GPRC5C: variants seen among roughly 807,000 people sequenced by gnomAD.
GPRC5C encodes the protein G protein-coupled receptor family C group 5 member C.
In GPRC5C, 22 loss-of-function variants were observed where a neutral mutation model predicts 31.4. The ratio of observed to expected loss-of-function variants is 0.70; its 90% CI spans 0.50 to 1.00. The LOEUF (loss-of-function observed/expected upper bound fraction) is 1.00. Ranked by LOEUF, GPRC5C falls within the 50% of genes least tolerant of loss-of-function variation. The pLI is 0.00. For synonymous variants in GPRC5C, 249 were observed against 257.5 expected, an observed-to-expected ratio of 0.97 and a Z score of 0.32; for missense variants, 557 against 597.2, an observed-to-expected ratio of 0.93 and a Z score of 0.70.
intron 1 of GPRC5C, among the ~76,000 whole-genome samples, chr17:74,437,682 G>A: frequency 7.2e-6 from 1 of 139,014 alleles, no homozygotes; most frequent in East Asian, 2.1e-4. Flanking sequence ...TCTATCAACT[G>A]TGGGATTTAG....
Position 74,440,680 on chromosome 17 carries a change from C to G in GPRC5C, c.904C>G (p.Gln302Glu). ...VLFYVIPEVS[Q>E]VTKSSPEQSY... ...CTTCTACGTCATCCCCGAGGTCTCCCAGGTGACCAAGTCCAGCCCAGAGCA... is the reference window on the plus strand; with the variant it reads ...CTTCTACGTCATCCCCGAGGTCTCCGAGGTGACCAAGTCCAGCCCAGAGCA... Residue 302 changes from glutamine (Q) to glutamate (E), a missense_variant, in exon 2 of 4, where the codon CAG becomes GAG. Physicochemically the swap from Gln to Glu is conservative, Grantham distance 29 (BLOSUM62 2). Coordinates refer to ENST00000392627, the MANE Select transcript of GPRC5C (RefSeq NM_022036.4). This position sits in a 1 kb window ranked among gnomAD's most constrained non-coding sequence, Gnocchi z 4.4. 6.2e-7 allele frequency: 1 copy of G among 1,608,242 alleles called. No homozygotes were observed. Among genetic ancestry groups the G allele is most frequent in the South Asian group, 1.1e-5 (1 of 90,882 alleles).
Position 74,443,916 on chromosome 17 carries a change from A to G in GPRC5C, c.1146+4A>G. 1 of 1,597,202 alleles carries G rather than the reference A, an allele frequency of 6.3e-7. No homozygotes were observed. The highest frequency in any genetic ancestry group is 8.6e-7 in the Non-Finnish European group (1 of 1,165,036). ...GGCCCTGATGCACAAAGTTCCGGTA[A>G]GTGGGTTCCCCAGGTCCCCGTGACA... On this transcript the variant is annotated splice_donor_region_variant and intron_variant, in intron 3 of 3. Transcript: ENST00000392627.
chr17:74,432,225 T>G lies in GPRC5C; in HGVS notation c.-33+84T>G, dbSNP rs1253022227. On this transcript the variant is annotated intron_variant, in intron 1 of 3. Coordinates refer to ENST00000392627, the MANE Select transcript of GPRC5C (RefSeq NM_022036.4). ...ACCTGGAGCGCGGCGGGCGCCCGAT[T>G]AGCGCCCTGAATGGAGGTGATGTAA... 3 of 1,549,338 alleles carry G rather than the reference T, an allele frequency of 1.9e-6. No homozygotes were observed. In the Admixed American group the frequency reaches 5.9e-5, roughly 31 times the overall value.
At position 74,440,545 on chromosome 17, in the gene GPRC5C, G is replaced by T. The variant is rs2055516852; in HGVS notation, c.769G>T (p.Val257Leu). ...LTTATSVAIW[V>L]VWIVMYTYGN... ...CACAGCCACCTCCGTTGCCATATGG[G>T]TGGTGTGGATCGTCATGTATACTTA... The change falls in exon 2 of 4, where the codon GTG (valine) becomes TTG (leucine). Residue 257 changes from valine to leucine, a missense_variant. Coordinates refer to ENST00000392627, the MANE Select transcript of GPRC5C (RefSeq NM_022036.4). This position sits in a 1 kb window ranked among gnomAD's most constrained non-coding sequence, Gnocchi z 4.4. The T allele has an allele frequency of 1.2e-6, 2 of 1,614,202 alleles. No homozygotes were observed. Among genetic ancestry groups the T allele is most frequent in the Non-Finnish European group, 1.7e-6 (2 of 1,180,032 alleles).
intron 2 of GPRC5C, chr17:74,443,500 G>C: frequency 2.0e-6 from 1 of 499,952 alleles, no homozygotes; most frequent in Non-Finnish European, 3.9e-6. Context: ...CCCGGAGGGC[G>C]GATGGGGATG....
chr17:74,439,146 A>G (rs1308865520), intron 1 of GPRC5C, among the ~76,000 whole-genome samples: 1 of 152,178 alleles, frequency 6.6e-6, no homozygotes, highest in African/African-American at 2.4e-5. Flanking sequence ...CTAGGCAAAA[A>G]ATGGAGGATT....
At chr17:74,448,551 G>C (rs922985322), downstream of GPRC5C, among the ~76,000 whole-genome samples, 2 of 151,956 alleles carry the variant, frequency 1.3e-5, no homozygotes, top group African/African-American at 4.8e-5. Flanking sequence ...CTAACTTTTT[G>C]TATTTTTAGT....
At chr17:74,436,929 T>TGTTGTTGTTGTC (rs1287693675) in intron 1 of GPRC5C, among the ~76,000 whole-genome samples, 2 of 152,154 alleles carry the variant, frequency 1.3e-5, no homozygotes, top group Non-Finnish European at 2.9e-5. Context: ...TTTTTGTTGT[T>TGTTGTTGTTGTC]GTTGTTGTTG....
In GPRC5C at chr17:74,447,193, G is replaced by C. The variant is rs1238824858; in HGVS notation, c.*165G>C. ...GCCAGTGTTTGGGTGGGTGTCATGGGTGTCCCCACCCACTCCTCAGTGTTT... is the reference window on the plus strand; with the variant it reads ...GCCAGTGTTTGGGTGGGTGTCATGGCTGTCCCCACCCACTCCTCAGTGTTT... On this transcript the variant is annotated 3_prime_UTR_variant, in exon 4 of 4. Transcript: ENST00000392627. 1 of 1,406,742 alleles carries C rather than the reference G, an allele frequency of 7.1e-7. No homozygotes were observed. The highest frequency in any genetic ancestry group is 9.3e-7 in the Non-Finnish European group (1 of 1,080,696). 87.1% of individuals were successfully genotyped at this position (1,406,742 alleles called of 1,614,324 possible).
At chr17:74,442,845 T>G (rs1235495609) in intron 2 of GPRC5C, among the ~76,000 whole-genome samples, 2 of 152,154 alleles carry the variant, frequency 1.3e-5, no homozygotes, top group African/African-American at 4.8e-5. Context: ...GGGGTGGAAT[T>G]GGCAAAACCC....
intron 2 of GPRC5C, chr17:74,443,448 T>C (rs1246545690): frequency 1.6e-5 from 6 of 382,756 alleles, no homozygotes; most frequent in Non-Finnish European, 3.1e-5. Context: ...CTGGCCATCT[T>C]GGAAGGCGGC....
In GPRC5C at chr17:74,440,905, T is replaced by C; in HGVS notation, c.1051+78T>C. ...ACTGCAGGACAGGGAGCCAGTCTCT[T>C]GAGCAAAATGGAAAGTTTTTGAGGT... is the stretch of plus-strand genomic sequence containing the variant. On this transcript the variant is annotated intron_variant, in intron 2 of 3. Transcript: ENST00000392627. This position sits in a 1 kb window ranked among gnomAD's most constrained non-coding sequence, Gnocchi z 4.4. The C allele has an allele frequency of 1.6e-6, 2 of 1,271,702 alleles. No homozygotes were observed. Among genetic ancestry groups the C allele is most frequent in the Non-Finnish European group, 2.1e-6 (2 of 969,324 alleles). The allele number at this position is 1,271,702 out of a possible 1,614,324, so 78.8% of individuals were successfully genotyped here. A position where few individuals can be genotyped will look rare whatever the true frequency, so the allele number is the denominator to read the frequency against.
At chr17:74,448,385 AT>A (rs895307332), downstream of GPRC5C, among the ~76,000 whole-genome samples, 10 of 150,212 alleles carry the variant, frequency 6.7e-5, no homozygotes, top group Middle Eastern at 3.4e-3. Flanking sequence ...ATTTAATTTA[AT>A]TTTTTTTTTG....
chr17:74,439,696 G>A (rs753368413), intron 1 of GPRC5C, 49 bp from the exon 2 acceptor site: 24 of 1,530,154 alleles, frequency 1.6e-5, no homozygotes, highest in Admixed American at 5.8e-5. Flanking sequence ...ATGTATATTG[G>A]AGTCTGATCT....
Position 74,440,205 on chromosome 17 carries a change from C to T in GPRC5C, c.429C>T (p.Phe143=), listed in dbSNP as rs891076766. ...CGGCTCACGTCTTTGCCCTCAACTT[C>T]CTGGCCCGGAAGAACCACGGGCCCC... ...CLAAHVFALN[F]LARKNHGPRG... is the part of the protein sequence containing the mutation. Residue 143 remains phenylalanine, a synonymous_variant, in exon 2 of 4, where the codon TTC becomes TTT. Coordinates refer to ENST00000392627, the MANE Select transcript of GPRC5C (RefSeq NM_022036.4). The surrounding 1 kb of genome is among the most constrained non-coding windows in gnomAD (Gnocchi z 4.4). 6 of 1,614,110 alleles carry T rather than the reference C, an allele frequency of 3.7e-6. No individual in the cohort carries two copies. The Admixed American group carries it at 8.3e-5, about 22-fold the overall frequency.
chr17:74,444,436 G>A (rs748996554), intron 3 of GPRC5C, among the ~76,000 whole-genome samples: 12 of 152,174 alleles, frequency 7.9e-5, no homozygotes, highest in African/African-American at 1.2e-4. Flanking sequence ...TAGAAGCATC[G>A]TTAGCCAGGG....
downstream of GPRC5C, chr17:74,449,000 C>T (rs1194119533): frequency 3.4e-6 from 3 of 878,868 alleles, no homozygotes; most frequent in South Asian, 4.2e-5. Context: ...CAAGACTTTG[C>T]CAGGGGGCTG....
At chr17:74,443,626 G>A (rs1412101987) in intron 2 of GPRC5C, 192 bp from the exon 3 acceptor site, 7 of 698,338 alleles carry the variant, frequency 1.0e-5, no homozygotes, top group South Asian at 6.0e-5. Context: ...AGGGGTGCTA[G>A]GCTTGGGAGG....
chr17:74,446,661 T>G (rs1598434735), intron 3 of GPRC5C, 188 bp from the exon 4 acceptor site: 1 of 559,972 alleles, frequency 1.8e-6, no homozygotes, highest in Non-Finnish European at 3.2e-6. Context: ...AGAGGCAGGG[T>G]GAGATAAGGG....
Sources: allele counts gnomAD v4.1 joint callset (sites outside exome capture counted in the v4.1 genomes callset), GRCh38; gene constraint gnomAD v4.1.1; non-coding constraint Gnocchi (gnomAD v3.1); transcripts MANE v1.5; gene names NCBI Gene and HGNC (gene_info 2026-07-23, HGNC 2026-07-21).